ESRRG: variants seen among roughly 807,000 people sequenced by gnomAD.
The protein encoded by ESRRG is estrogen-related receptor gamma.
Under a neutral mutation model 44.0 loss-of-function variants are expected in ESRRG, and 13 were observed. The observed-to-expected ratio is 0.30, with a 90% confidence interval of 0.19 to 0.47. The LOEUF is 0.47. Ranked by LOEUF, ESRRG falls within the 20% of genes least tolerant of loss-of-function variation. ESRRG has a pLI of 1.00. For missense variants in ESRRG, 395 were observed against 580.6 expected (o/e 0.68, Z 3.29); for synonymous variants, 215 against 214.6 (o/e 1.00, Z -0.02).
intron 2 of ESRRG, among the ~76,000 whole-genome samples, chr1:216,781,071 C>G (rs1244791117): frequency 6.6e-6 from 1 of 151,920 alleles, no homozygotes; most frequent in Non-Finnish European, 1.5e-5. Flanking sequence ...AATTAATAAG[C>G]AATGTCAATC....
At chr1:216,995,422 A>G (rs758811005) in intron 1 of ESRRG, among the ~76,000 whole-genome samples, 3 of 152,124 alleles carry the variant, frequency 2.0e-5, no homozygotes, top group Non-Finnish European at 2.9e-5. Context: ...TGCCTTCAGG[A>G]TGAGGTCCCT....
At chr1:217,083,461 G>T (rs1327383038) in intron 1 of ESRRG, among the ~76,000 whole-genome samples, 1 of 152,152 alleles carries the variant, frequency 6.6e-6, no homozygotes, top group Non-Finnish European at 1.5e-5. Flanking sequence ...ACTCAGAATC[G>T]CAGGGGTGAA....
intron 5 of ESRRG, among the ~76,000 whole-genome samples, chr1:216,548,019 G>A (rs115708970): frequency 6.6e-6 from 1 of 152,020 alleles, no homozygotes; most frequent in African/African-American, 2.4e-5. Flanking sequence ...CTTGAGCTAC[G>A]TGGGTTGGCT....
intron 2 of ESRRG, among the ~76,000 whole-genome samples, chr1:216,759,481 G>T (rs1341877355): frequency 6.6e-6 from 1 of 151,952 alleles, no homozygotes; most frequent in Admixed American, 6.6e-5. Context: ...TTAAACCTTT[G>T]CCTGCTCTTC....
intron 1 of ESRRG, among the ~76,000 whole-genome samples, chr1:216,700,158 C>T (rs900103312): frequency 6.6e-6 from 1 of 151,318 alleles, no homozygotes; most frequent in Non-Finnish European, 1.5e-5. Flanking sequence ...TTAGATACCT[C>T]GCTTAACTAT....
intron 6 of ESRRG, among the ~76,000 whole-genome samples, chr1:216,509,556 C>T (rs991610070): frequency 4.6e-5 from 7 of 152,110 alleles, no homozygotes; most frequent in African/African-American, 1.7e-4. Flanking sequence ...TCTTGCCCAG[C>T]AGGAGATATA....
chr1:217,005,996 T>C (rs539803053), intron 1 of ESRRG, among the ~76,000 whole-genome samples: 2 of 152,258 alleles, frequency 1.3e-5, no homozygotes, highest in South Asian at 4.1e-4. Context: ...TGGTTCACTC[T>C]TGAAACCTAG....
At chr1:216,600,146 C>T (rs1304202697) in intron 3 of ESRRG, among the ~76,000 whole-genome samples, 1 of 152,088 alleles carries the variant, frequency 6.6e-6, no homozygotes, top group Admixed American at 6.5e-5. Flanking sequence ...TGGTCTGATA[C>T]GTTATTTTTC....
chr1:216,919,320 T>C (rs1055011568), intron 2 of ESRRG, among the ~76,000 whole-genome samples: 3 of 152,156 alleles, frequency 2.0e-5, no homozygotes, highest in East Asian at 3.9e-4. Context: ...ATGTCATCCA[T>C]GTGGCACGGA....
chr1:216,852,406 A>G (rs2095855859), intron 2 of ESRRG, among the ~76,000 whole-genome samples: 1 of 152,192 alleles, frequency 6.6e-6, no homozygotes, highest in South Asian at 2.1e-4. Flanking sequence ...TAGCAACTGA[A>G]GACATAAACA....
intron 1 of ESRRG, among the ~76,000 whole-genome samples, chr1:216,718,258 A>G (rs1365343870): frequency 6.6e-6 from 1 of 151,938 alleles, no homozygotes; most frequent in Non-Finnish European, 1.5e-5. Context: ...ATATAAATGT[A>G]CATGAATACT....
chr1:216,568,968 C>A (rs1224138192), intron 3 of ESRRG, among the ~76,000 whole-genome samples: 2 of 151,786 alleles, frequency 1.3e-5, no homozygotes, highest in African/African-American at 4.8e-5. Context: ...GCAGGAGAAT[C>A]GCTTGAACCC....
rs1012524666 is a variant in ESRRG, at chr1:216,721,478, A to G, written c.56+1766T>C. On this transcript the variant is annotated intron_variant, in intron 1 of 6. Coordinates refer to ENST00000408911, the MANE Select transcript of ESRRG (RefSeq NM_001438.4). ...AACTGCATCCAGACAATAAATCTGT[A>G]TTTTTTAAAGATGACTTTTAATTGA... Among the ~76,000 whole-genome samples the G allele has an allele frequency of 9.2e-5, 14 of 152,330 alleles. No individual in the cohort carries two copies. In the South Asian group the frequency reaches 1.0e-3, roughly 11 times the overall value.
At chr1:216,709,614 A>G (rs949992689) in intron 1 of ESRRG, among the ~76,000 whole-genome samples, 1 of 151,856 alleles carries the variant, frequency 6.6e-6, no homozygotes, top group Non-Finnish European at 1.5e-5. Flanking sequence ...GCAATGATCC[A>G]TTTTCTGAAT....
chr1:216,988,551 G>A (rs2075227113), intron 1 of ESRRG, among the ~76,000 whole-genome samples: 1 of 152,218 alleles, frequency 6.6e-6, no homozygotes, highest in African/African-American at 2.4e-5. Context: ...CTTAATTTCT[G>A]TCCTTCTGTT....
chr1:216,902,165 T>C (rs564716436), intron 2 of ESRRG, among the ~76,000 whole-genome samples: 24 of 152,354 alleles, frequency 1.6e-4, no homozygotes, highest in Non-Finnish European at 3.4e-4. Context: ...ATAACAATCC[T>C]GTATGGCAGT....
chr1:216,740,575 G>T (rs1179243582), intron 2 of ESRRG, among the ~76,000 whole-genome samples: 1 of 150,718 alleles, frequency 6.6e-6, no homozygotes, highest in East Asian at 1.9e-4. Flanking sequence ...GGCCTTTTTT[G>T]TTCAATTTTG....
At chr1:216,769,447 G>A (rs1405711816) in intron 2 of ESRRG, among the ~76,000 whole-genome samples, 1 of 152,144 alleles carries the variant, frequency 6.6e-6, no homozygotes, top group East Asian at 1.9e-4. Context: ...AGATGACATT[G>A]GGAAAGATCA....
chr1:216,775,011 A>G (rs776706041), intron 2 of ESRRG, among the ~76,000 whole-genome samples: 1 of 150,540 alleles, frequency 6.6e-6, no homozygotes, highest in Non-Finnish European at 1.5e-5. Flanking sequence ...GTCTCACTAT[A>G]TTGCTCAGGC....
Sources: gnomAD v4.1 joint callset for allele counts (sites outside exome capture counted in the v4.1 genomes callset) on GRCh38, gnomAD v4.1.1 for gene constraint, MANE v1.5 for transcripts, NCBI Gene and HGNC (gene_info 2026-07-23, HGNC 2026-07-21) for gene names.